The following PDSS2 variants were observed in gnomAD, a reference collection of about 807,000 sequenced individuals.
PDSS2 encodes the protein all trans-polyprenyl-diphosphate synthase PDSS2.
Under a neutral mutation model 44.5 loss-of-function variants are expected in PDSS2, and 31 were observed. That is an observed-to-expected ratio of 0.70 (90% confidence interval 0.52 to 0.94). The LOEUF is 0.94. Ranked by LOEUF, PDSS2 falls within the 40% of genes least tolerant of loss-of-function variation. The pLI, the probability that PDSS2 is intolerant of heterozygous loss-of-function variation, is 0.00. For missense variants in PDSS2, 452 were observed against 482.2 expected (o/e 0.94, Z 0.59); for synonymous variants, 157 against 180.3 (o/e 0.87, Z 1.03).
At chr6:107,182,877 T>G (rs1295326929) in intron 7 of PDSS2, among the ~76,000 whole-genome samples, 2 of 152,166 alleles carry the variant, frequency 1.3e-5, no homozygotes, top group Non-Finnish European at 2.9e-5. Context: ...ATAACTGGTT[T>G]AATCTGGTTT....
chr6:107,202,759 T>C (rs1772829899), intron 6 of PDSS2, among the ~76,000 whole-genome samples: 1 of 152,050 alleles, frequency 6.6e-6, no homozygotes, highest in African/African-American at 2.4e-5. Flanking sequence ...GAGGCAAGCG[T>C]GGATGTCTAA....
rs199553465 is a variant in PDSS2 at position 107,258,879 on chromosome 6, C to T, written c.631-13260G>A. Reference sequence around the variant, plus strand: ...ATTCCAATATTTAGAAACTAATAACCGTTTAAGATACCATAAATTCCAGGA... The same window carrying T: ...ATTCCAATATTTAGAAACTAATAACTGTTTAAGATACCATAAATTCCAGGA... On this transcript the variant is annotated intron_variant, in intron 3 of 7. Coordinates refer to ENST00000369037, the MANE Select transcript of PDSS2 (RefSeq NM_020381.4). Among the ~76,000 whole-genome samples, 5 of 152,136 alleles carry T rather than the reference C, an allele frequency of 3.3e-5. No homozygotes were observed. In the East Asian group the frequency reaches 9.6e-4, roughly 29 times the overall value.
intron 6 of PDSS2, among the ~76,000 whole-genome samples, chr6:107,207,491 AT>A (rs1773022048): frequency 6.6e-6 from 1 of 152,114 alleles, no homozygotes; most frequent in Admixed American, 6.6e-5. Flanking sequence ...TGTTATGCAA[AT>A]TGTGTTCCCT....
At chr6:107,384,270 T>G (rs1779540515) in intron 1 of PDSS2, among the ~76,000 whole-genome samples, 1 of 151,804 alleles carries the variant, frequency 6.6e-6, no homozygotes, top group Admixed American at 6.6e-5. Context: ...GGTACCGAGG[T>G]TTTTTTGAGG....
At chr6:107,279,864 A>G (rs1775903013) in intron 2 of PDSS2, among the ~76,000 whole-genome samples, 3 of 152,186 alleles carry the variant, frequency 2.0e-5, no homozygotes. Flanking sequence ...TAAGAGTACA[A>G]TTTAGTATAT....
At chr6:107,171,876 G>T (rs1554248678) in intron 7 of PDSS2, among the ~76,000 whole-genome samples, 1 of 152,122 alleles carries the variant, frequency 6.6e-6, no homozygotes, top group East Asian at 1.9e-4. Context: ...AATGGGCAAA[G>T]TCCAAGCTGA....
At chr6:107,346,448 A>G (rs779523809) in intron 1 of PDSS2, among the ~76,000 whole-genome samples, 8 of 152,234 alleles carry the variant, frequency 5.3e-5, no homozygotes, top group Non-Finnish European at 1.0e-4. Context: ...ATTATTTGAT[A>G]TACTACATAT....
At chr6:107,190,458 C>T (rs114535322) in intron 7 of PDSS2, among the ~76,000 whole-genome samples, 1 of 152,060 alleles carries the variant, frequency 6.6e-6, no homozygotes, top group Non-Finnish European at 1.5e-5. Context: ...GTGTTGGGTA[C>T]CAGATATACT....
chr6:107,243,207 A>G (rs908508317), intron 4 of PDSS2, among the ~76,000 whole-genome samples: 3 of 152,250 alleles, frequency 2.0e-5, no homozygotes, highest in Admixed American at 2.0e-4. Context: ...TATATTAACA[A>G]ATAATTTTCA....
rs578052567 is a variant in PDSS2 at position 107,387,325 on chromosome 6, G to A, written c.297-52993C>T. Among the ~76,000 whole-genome samples, 9 of 152,328 alleles carry A rather than the reference G, an allele frequency of 5.9e-5. No homozygotes were observed. In the South Asian group the frequency reaches 1.0e-3, roughly 18 times the overall value. ...CTTGCATGACTAAAGCAGCAGCTTA[G>A]ATTTCCAGAAATATTAGCAGTTTTC... On this transcript the variant is annotated intron_variant, in intron 1 of 7. Transcript: ENST00000369037.
Position 107,364,692 on chromosome 6 carries a change from A to G in PDSS2, c.297-30360T>C, listed in dbSNP as rs994353384. Among the ~76,000 whole-genome samples the G allele has an allele frequency of 4.7e-4, 72 of 151,646 alleles. No homozygotes were observed. The East Asian group carries it at 0.013, about 26-fold the overall frequency. ...TTGGCCAGCCCAGAAAGGGGCTCCC[A>G]CAGTGCAGTGGGGGGGCTGAAGGGC... On this transcript the variant is annotated intron_variant, in intron 1 of 7. Coordinates refer to ENST00000369037, the MANE Select transcript of PDSS2 (RefSeq NM_020381.4).
intron 4 of PDSS2, among the ~76,000 whole-genome samples, chr6:107,230,956 C>T (rs1283742817): frequency 6.6e-6 from 1 of 152,110 alleles, no homozygotes; most frequent in Admixed American, 6.5e-5. Flanking sequence ...TGCCTGTAAT[C>T]CTAGCACATT....
At chr6:107,314,733 G>A (rs1330237149) in intron 2 of PDSS2, among the ~76,000 whole-genome samples, 1 of 152,180 alleles carries the variant, frequency 6.6e-6, no homozygotes, top group Non-Finnish European at 1.5e-5. Context: ...AAACCATTAT[G>A]CCCTGAAAAA....
At chr6:107,444,698 A>G (rs1439323197) in intron 1 of PDSS2, among the ~76,000 whole-genome samples, 1 of 152,220 alleles carries the variant, frequency 6.6e-6, no homozygotes, top group East Asian at 1.9e-4. Context: ...GACTAAAATT[A>G]AATTTCTAAT....
intron 7 of PDSS2, among the ~76,000 whole-genome samples, chr6:107,158,881 G>A (rs529738634): frequency 6.6e-5 from 10 of 151,752 alleles, no homozygotes; most frequent in Admixed American, 2.0e-4. Flanking sequence ...GGTGCCCACC[G>A]CCACACCCAG....
At chr6:107,375,232 A>G (rs1779249724) in intron 1 of PDSS2, among the ~76,000 whole-genome samples, 1 of 152,090 alleles carries the variant, frequency 6.6e-6, no homozygotes, top group Non-Finnish European at 1.5e-5. Flanking sequence ...AATAAAGATC[A>G]AAGCAAAAAT....
chr6:107,317,469 G>C lies in PDSS2; in HGVS notation c.431+16729C>G, dbSNP rs80240356. ...CTTTAATGTAGCTCCCAGAAATAAA[G>C]GCTTCTTCTGTATGTGATGAGCCTA... On this transcript the variant is annotated intron_variant, in intron 2 of 7. Transcript: ENST00000369037. 4.2e-3 allele frequency among the ~76,000 whole-genome samples: 638 copies of C among 152,242 alleles called. 3 individuals are homozygous for C. The highest frequency in any genetic ancestry group is 6.0e-3 in the Non-Finnish European group (405 of 68,022).
At chr6:107,452,957 G>A (rs1257918921) in intron 1 of PDSS2, among the ~76,000 whole-genome samples, 2 of 151,944 alleles carry the variant, frequency 1.3e-5, no homozygotes, top group South Asian at 2.1e-4. Context: ...GAGCCACCAC[G>A]CCTGGCCAGT....
At position 107,280,332 on chromosome 6, in the gene PDSS2, G is replaced by C. The variant is rs1775920968; in HGVS notation, c.432-6105C>G. On this transcript the variant is annotated intron_variant, in intron 2 of 7. Transcript: ENST00000369037. ...CCACCTCGGCCTCCCAAAGTGCTGGGATTACAGGCCTAAGCCACTATGCTG... is the reference window on the plus strand; with the variant it reads ...CCACCTCGGCCTCCCAAAGTGCTGGCATTACAGGCCTAAGCCACTATGCTG... 2.0e-5 allele frequency among the ~76,000 whole-genome samples: 3 copies of C among 152,122 alleles called. No individual in the cohort carries two copies. In the South Asian group the frequency reaches 6.2e-4, roughly 32 times the overall value.
Sources: allele counts gnomAD v4.1 joint callset (sites outside exome capture counted in the v4.1 genomes callset), GRCh38; gene constraint gnomAD v4.1.1; transcripts MANE v1.5; gene names NCBI Gene and HGNC (gene_info 2026-07-23, HGNC 2026-07-21).